The following PLB1 variants were observed in gnomAD, a reference collection of about 807,000 sequenced individuals.
PLB1 encodes phospholipase B1, membrane-associated.
Under a neutral mutation model 227.4 loss-of-function variants are expected in PLB1, and 242 were observed. The observed-to-expected ratio is 1.06, with a 90% CI of 0.96 to 1.18. PLB1 has a LOEUF of 1.18. Ranked by LOEUF, PLB1 falls within the 50% of genes most tolerant of loss-of-function variation. The pLI, the probability that PLB1 is intolerant of heterozygous loss-of-function variation, is 0.00. For synonymous variants in PLB1, 757 were observed against 682.2 expected, an observed-to-expected ratio of 1.11 and a Z score of -1.71; for missense variants, 1,858 against 1,816.3, an observed-to-expected ratio of 1.02 and a Z score of -0.42.
chr2:28,634,875 C>T (rs1193837953), intron 56 of PLB1, among the ~76,000 whole-genome samples: 1 of 151,984 alleles, frequency 6.6e-6, no homozygotes, highest in Non-Finnish European at 1.5e-5. Context: ...GGCACCACCG[C>T]ACTCCAGCCT....
intron 17 of PLB1, among the ~76,000 whole-genome samples, chr2:28,556,010 G>A (rs1675049443): frequency 1.3e-5 from 2 of 151,768 alleles, no homozygotes; most frequent in South Asian, 4.2e-4. Flanking sequence ...GGGACTATAG[G>A]CCCATGCACC....
intron 6 of PLB1, 101 bp from the exon 7 acceptor site, chr2:28,529,216 A>G (rs1341242270): frequency 3.9e-6 from 3 of 774,554 alleles, no homozygotes; most frequent in Admixed American, 2.1e-5. Context: ...AGGTACTGAG[A>G]TTATAGGCAT....
intron 15 of PLB1, among the ~76,000 whole-genome samples, chr2:28,549,272 A>G (rs569880010): frequency 6.6e-6 from 1 of 152,132 alleles, no homozygotes; most frequent in Admixed American, 6.6e-5. Context: ...GAAGGGAGGG[A>G]TGGTGAGTAT....
At chr2:28,537,926 T>C (rs1377136266) in intron 9 of PLB1, among the ~76,000 whole-genome samples, 1 of 152,176 alleles carries the variant, frequency 6.6e-6, no homozygotes, top group East Asian at 1.9e-4. Context: ...GTTAATTGTA[T>C]TTCCCTGTTG....
intron 13 of PLB1, among the ~76,000 whole-genome samples, chr2:28,542,987 G>C (rs777771993): frequency 1.1e-4 from 16 of 152,160 alleles, no homozygotes; most frequent in Admixed American, 3.3e-4. Flanking sequence ...ATGATGACAT[G>C]GAGCTGCCTG....
At chr2:28,558,127 G>T (rs1675432193) in intron 17 of PLB1, among the ~76,000 whole-genome samples, 1 of 148,234 alleles carries the variant, frequency 6.7e-6, no homozygotes, top group South Asian at 2.2e-4. Context: ...TGTACACACA[G>T]ACATAAACAT....
chr2:28,568,654 A>G (rs1573032183), intron 20 of PLB1, among the ~76,000 whole-genome samples: 1 of 152,228 alleles, frequency 6.6e-6, no homozygotes, highest in Non-Finnish European at 1.5e-5. Flanking sequence ...TGACATCACC[A>G]AAGTGTCTTT....
At chr2:28,565,530 A>C (rs1676740589) in intron 19 of PLB1, among the ~76,000 whole-genome samples, 177 bp downstream of exon 19, 1 of 149,516 alleles carries the variant, frequency 6.7e-6, no homozygotes, top group Non-Finnish European at 1.5e-5. Flanking sequence ...AAACCACTAC[A>C]TTGCCCAAAA....
chr2:28,590,361 T>C (rs1681697446), intron 29 of PLB1, among the ~76,000 whole-genome samples: 1 of 152,126 alleles, frequency 6.6e-6, no homozygotes. Context: ...GGCAGCCACA[T>C]CTACCTGTCA....
intron 25 of PLB1, 141 bp from the exon 26 acceptor site, chr2:28,585,620 C>A: frequency 1.4e-6 from 1 of 709,946 alleles, no homozygotes; most frequent in Non-Finnish European, 2.4e-6. Context: ...AGCAGGTCAG[C>A]CAGCCAGGCT....
At chr2:28,549,133 G>A (rs891641011) in intron 15 of PLB1, among the ~76,000 whole-genome samples, 3 of 152,122 alleles carry the variant, frequency 2.0e-5, no homozygotes, top group African/African-American at 7.2e-5. Context: ...CAAAACTGCA[G>A]CCCCCTCCAT....
chr2:28,612,843 T>C (rs1447993371), intron 43 of PLB1, among the ~76,000 whole-genome samples: 1 of 150,568 alleles, frequency 6.6e-6, no homozygotes, highest in Non-Finnish European at 1.5e-5. Context: ...TCTTGAACTC[T>C]TGGCCTCATG....
Position 28,497,474 on chromosome 2 carries a change from G to A in PLB1, c.55+1305G>A, listed in dbSNP as rs540021933. Among the ~76,000 whole-genome samples the A allele has an allele frequency of 7.9e-5, 12 of 152,294 alleles. No individual in the cohort carries two copies. In the South Asian group the frequency reaches 1.0e-3, roughly 13 times the overall value. Reference sequence around the variant, plus strand: ...CTGGTTGGAGGTTGTTGGTATCAGGGACCAGCTGACTAGAGGCACGGCATC... The same window carrying A: ...CTGGTTGGAGGTTGTTGGTATCAGGAACCAGCTGACTAGAGGCACGGCATC... On this transcript the variant is annotated intron_variant, in intron 1 of 57. Transcript: ENST00000327757.
chr2:28,610,687 G>A (rs959260186), intron 43 of PLB1, among the ~76,000 whole-genome samples: 65 of 152,174 alleles, frequency 4.3e-4, no homozygotes, highest in African/African-American at 1.5e-3. Context: ...CACAACCAGC[G>A]AAGAAAATCA....
rs1001362164 is a variant in PLB1 at position 28,555,217 on chromosome 2, C to T, written c.1147+2226C>T. ...AGTGAAGTGGCGTGATTTCCGCTTA[C>T]TGCAACCTCCACCCCCTGGGTTCAA... On this transcript the variant is annotated intron_variant, in intron 17 of 57. Transcript: ENST00000327757. Among the ~76,000 whole-genome samples the T allele has an allele frequency of 2.2e-5, 3 of 139,370 alleles. No homozygotes were observed. The East Asian group carries it at 6.7e-4, about 31-fold the overall frequency. The allele number at this position is 139,370 out of a possible 152,430, so 91.4% of individuals were successfully genotyped here. A position where few individuals can be genotyped will look rare whatever the true frequency, so the allele number is the denominator to read the frequency against.
Position 28,518,465 on chromosome 2 carries a change from G to T in PLB1, c.118-1G>T, listed in dbSNP as rs1021452740. On this transcript the variant is annotated splice_acceptor_variant, in intron 2 of 57. Coordinates refer to ENST00000327757, the MANE Select transcript of PLB1 (RefSeq NM_153021.5). LOFTEE classifies it high-confidence loss of function. ...TTTCTGATGTTCGTTTTCAATTGCAGACCCTGAAGAATTCTCCATTCCCAT... is the reference window on the plus strand; with the variant it reads ...TTTCTGATGTTCGTTTTCAATTGCATACCCTGAAGAATTCTCCATTCCCAT... The T allele has an allele frequency of 6.2e-7, 1 of 1,610,060 alleles. No individual in the cohort carries two copies. Among genetic ancestry groups the T allele is most frequent in the African/African-American group, 1.3e-5 (1 of 74,840 alleles).
At chr2:28,589,806 T>C (rs747254631) in intron 28 of PLB1, 36 bp downstream of exon 28, 2 of 1,585,770 alleles carry the variant, frequency 1.3e-6, no homozygotes. Flanking sequence ...ATCCTCCCTC[T>C]GGTAAGAAAA....
chr2:28,641,379 G>A (rs185237908), intron 57 of PLB1, among the ~76,000 whole-genome samples: 47 of 152,292 alleles, frequency 3.1e-4, no homozygotes, highest in South Asian at 6.2e-4. Context: ...AGGCCGAGGC[G>A]GTCAGATCAC....
At chr2:28,573,756 G>C (rs1004231117) in intron 21 of PLB1, among the ~76,000 whole-genome samples, 1 of 152,178 alleles carries the variant, frequency 6.6e-6, no homozygotes, top group Non-Finnish European at 1.5e-5. Flanking sequence ...TACGAGCCCG[G>C]TTTCCTCCCT....
Sources: gnomAD v4.1 joint callset for allele counts (sites outside exome capture counted in the v4.1 genomes callset) on GRCh38, gnomAD v4.1.1 for gene constraint, MANE v1.5 for transcripts, NCBI Gene and HGNC (gene_info 2026-07-23, HGNC 2026-07-21) for gene names.